The following FDXACB1 variants were observed in gnomAD, a reference collection of about 807,000 sequenced individuals.
FDXACB1 encodes ferredoxin-fold anticodon binding domain containing 1.
In FDXACB1, 41 loss-of-function variants were observed where a neutral mutation model predicts 51.7. The observed-to-expected ratio is 0.79, with a 90% CI of 0.62 to 1.03. FDXACB1 has a LOEUF of 1.03. Among genes scored for constraint, FDXACB1 ranks in the 50% least tolerant of loss-of-function variants. FDXACB1 has a pLI of 0.00. For missense variants in FDXACB1, 697 were observed against 746.4 expected (o/e 0.93, Z 0.77); for synonymous variants, 273 against 278.6 (o/e 0.98, Z 0.20).
rs1555162225 is a variant in FDXACB1 at position 111,876,822 on chromosome 11, C to G, written c.519G>C (p.Lys173Asn). 1 of 1,613,826 alleles carries G rather than the reference C, an allele frequency of 6.2e-7. No homozygotes were observed. The highest frequency in any genetic ancestry group is 8.5e-7 in the Non-Finnish European group (1 of 1,179,896). The change falls in exon 3 of 5, where the codon AAG becomes AAC. Residue 173 changes from lysine (K) to asparagine (N), a missense_variant. Coordinates refer to ENST00000260257, the MANE Select transcript of FDXACB1 (RefSeq NM_138378.3). Reference protein sequence around the residue: ...PFSCKAVAGYKCTGYRSQDKS... With the variant: ...PFSCKAVAGYNCTGYRSQDKS... ...CTATTACCTACCTATATCCAGTGCA[C>G]TTGTACCCTGCCACAGCCTTACAGC...
At chr11:111,876,760 G>C in intron 3 of FDXACB1, 48 bp downstream of exon 3, 5 of 1,599,160 alleles carry the variant, frequency 3.1e-6, no homozygotes, top group Non-Finnish European at 4.3e-6. Flanking sequence ...GTTATCATTA[G>C]TGAGAGAGAT....
At position 111,878,549 on chromosome 11, in the gene FDXACB1, T is replaced by C. The variant is rs1555162535; in HGVS notation, c.329+7A>G. ...CATTTTCCTTGTGAGGGCGCTCCTT[T>C]CCTCACCTTTGGAAAAATTTGGCAA... is the stretch of plus-strand genomic sequence containing the variant. On this transcript the variant is annotated splice_region_variant and intron_variant, in intron 2 of 4. Transcript: ENST00000260257. 4.4e-6 allele frequency: 7 copies of C among 1,580,848 alleles called. No individual in the cohort carries two copies. The highest frequency in any genetic ancestry group is 1.2e-5 in the South Asian group (1 of 86,510).
chr11:111,878,125 T>G (rs1224896433), intron 2 of FDXACB1, among the ~76,000 whole-genome samples: 1 of 151,960 alleles, frequency 6.6e-6, no homozygotes, highest in Non-Finnish European at 1.5e-5. Flanking sequence ...AGGCGGAGCT[T>G]GCAGTGAGCC....
Position 111,878,593 on chromosome 11 carries a change from C to G in FDXACB1, c.292G>C (p.Ala98Pro). 1 of 1,601,510 alleles carries G rather than the reference C, an allele frequency of 6.2e-7. No individual in the cohort carries two copies. The highest frequency in any genetic ancestry group is 8.5e-7 in the Non-Finnish European group (1 of 1,173,698). Residue 98 changes from alanine to proline, a missense_variant, in exon 2 of 5, where the codon GCT (alanine) becomes CCT (proline). This residue lies in a region of FDXACB1 where 153 missense variants were observed against 133.5 expected (regional missense o/e 1.15). Transcript: ENST00000260257. ...FPHCGRKAGV[A>P]KNRELLAKFF... The stretch of plus-strand genomic sequence containing the variant: ...TTGGCAAGCAGTTCCCTGTTCTTAG[C>G]TACGCCAGCTTTGCGTCCACAATGC...
In FDXACB1 at chr11:111,876,992, C is replaced by T. The variant is rs1249355458; in HGVS notation, c.349G>A (p.Glu117Lys). 6.3e-7 allele frequency: 1 copy of T among 1,589,808 alleles called. No individual in the cohort carries two copies. The highest frequency in any genetic ancestry group is 8.6e-7 in the Non-Finnish European group (1 of 1,167,186). The change falls in exon 3 of 5, where the codon GAG becomes AAG. Residue 117 changes from glutamate to lysine, a missense_variant. Coordinates refer to ENST00000260257, the MANE Select transcript of FDXACB1 (RefSeq NM_138378.3). The stretch of plus-strand genomic sequence containing the variant: ...AATGCCACGTGGACTTCTCCTTCCT[C>T]TGCAAGAACGTCTGCACAGCTAATA... Reference protein sequence around the residue: ...FFQSCADVLAEEGEVHVALCR... With the variant: ...FFQSCADVLAKEGEVHVALCR...
chr11:111,874,947 T>C lies in FDXACB1; in HGVS notation c.1850A>G (p.Gln617Arg). The stretch of plus-strand genomic sequence containing the variant: ...CTACCGAGGTATAACATATAGGTGT[T>C]GTTGAATCTCCTTCCTAAACTGGGA... ...MQSQFRKEIQ[Q>R]HLYVIPR Residue 617 changes from glutamine (Q) to arginine (R), a missense_variant, in exon 5 of 5, where the codon CAA (glutamine) becomes CGA (arginine). This residue lies in a region of FDXACB1 where 538 missense variants were observed against 592.2 expected (regional missense o/e 0.91). Coordinates refer to ENST00000260257, the MANE Select transcript of FDXACB1 (RefSeq NM_138378.3). 6.2e-7 allele frequency: 1 copy of C among 1,614,002 alleles called. No individual in the cohort carries two copies. Among genetic ancestry groups the C allele is most frequent in the Non-Finnish European group, 8.5e-7 (1 of 1,179,900 alleles).
chr11:111,875,377 C>A lies in FDXACB1; in HGVS notation c.1420G>T (p.Ala474Ser), dbSNP rs1555161934. The change falls in exon 5 of 5, where the codon GCC becomes TCC. Residue 474 changes from alanine (A) to serine (S), a missense_variant. Coordinates refer to ENST00000260257, the MANE Select transcript of FDXACB1 (RefSeq NM_138378.3). ...TGGTCTTTATGTATAACACTAGTGG[C>A]AGATGTGATAACAGACCCAATAATT... The part of the protein sequence containing the change: ...DLIIGSVITS[A>S]TSVIHKDQCF... 1 of 1,613,746 alleles carries A rather than the reference C, an allele frequency of 6.2e-7. No individual in the cohort carries two copies. Among genetic ancestry groups the A allele is most frequent in the Admixed American group, 1.7e-5 (1 of 59,956 alleles).
Position 111,878,969 on chromosome 11 carries a change from C to A in FDXACB1, c.164G>T (p.Arg55Leu). The change falls in exon 1 of 5, where the codon CGC becomes CTC. Residue 55 changes from arginine (R) to leucine (L), a missense_variant. Physicochemically the swap from Arg to Leu is moderately radical, Grantham distance 102. Coordinates refer to ENST00000260257, the MANE Select transcript of FDXACB1 (RefSeq NM_138378.3). ...PLAWENLQCL[R>L]ERGIDVRFGV... ...AGGGGCGGGCTCGCTACCTCGCTCG[C>A]GCAGGCACTGCAGATTCTCCCAGGC... The A allele has an allele frequency of 6.3e-7, 1 of 1,596,486 alleles. No homozygotes were observed. The highest frequency in any genetic ancestry group is 8.5e-7 in the Non-Finnish European group (1 of 1,173,502).
In FDXACB1 at chr11:111,875,513, C is replaced by A; in HGVS notation, c.1284G>T (p.Pro428=). ...CTAAACTGCTCAGCTTAGAGCTCTCCGGCAATGTCTGGGTCAGCAGGCTAT... is the reference window on the plus strand; with the variant it reads ...CTAAACTGCTCAGCTTAGAGCTCTCAGGCAATGTCTGGGTCAGCAGGCTAT... ...ILDSLLTQTL[P]ESSKLSSLVK... Residue 428 remains proline, a synonymous_variant, in exon 5 of 5, where the codon CCG becomes CCT. Transcript: ENST00000260257. The A allele has an allele frequency of 6.2e-7, 1 of 1,611,388 alleles. No individual in the cohort carries two copies. Among genetic ancestry groups the A allele is most frequent in the East Asian group, 2.2e-5 (1 of 44,836 alleles).
rs1555162281 is a variant in FDXACB1 at position 111,876,981 on chromosome 11, T to C, written c.360A>G (p.Glu120=). ...SCADVLAEEG[E]VHVALCRGQG... is the part of the protein sequence containing the mutation. ...GTCCTCTACATAATGCCACGTGGAC[T>C]TCTCCTTCCTCTGCAAGAACGTCTG... Residue 120 remains glutamate, a synonymous_variant, in exon 3 of 5, where the codon GAA becomes GAG. Coordinates refer to ENST00000260257, the MANE Select transcript of FDXACB1 (RefSeq NM_138378.3). 1 of 1,596,078 alleles carries C rather than the reference T, an allele frequency of 6.3e-7. No individual in the cohort carries two copies. The highest frequency in any genetic ancestry group is 1.8e-5 in the Admixed American group (1 of 56,734).
At chr11:111,876,727 A>G (rs1240409506) in intron 3 of FDXACB1, 81 bp downstream of exon 3, 2 of 1,589,520 alleles carry the variant, frequency 1.3e-6, no homozygotes, top group African/African-American at 1.3e-5. Flanking sequence ...GGCAGGGCCT[A>G]TTGAGTCTGT....
At chr11:111,876,125 A>G in intron 4 of FDXACB1, 21 bp from the exon 5 acceptor site, 1 of 1,548,080 alleles carries the variant, frequency 6.5e-7, no homozygotes, top group Non-Finnish European at 8.7e-7. Flanking sequence ...ACACACAAAA[A>G]TAACTTTTCT....
In FDXACB1 at chr11:111,878,625, A is replaced by T. The variant is rs611010; in HGVS notation, c.260T>A (p.Ile87Asn). 0.85 allele frequency: 1,364,329 copies of T among 1,604,598 alleles called. 581,886 individuals are homozygous for T. Among genetic ancestry groups the T allele is most frequent in the East Asian group, 0.99 (44,093 of 44,698 alleles). Residue 87 changes from isoleucine to asparagine, a missense_variant, in exon 2 of 5, where the codon ATC becomes AAC. Ile to Asn is a moderately radical substitution (Grantham distance 149). Transcript: ENST00000260257. ...HEREFDQIYF[I>N]FPHCGRKAGV... ...AGCTTTGCGTCCACAATGCGGGAAGATGAAATAAATTTGATCAAATTCTCT... is the reference window on the plus strand; with the variant it reads ...AGCTTTGCGTCCACAATGCGGGAAGTTGAAATAAATTTGATCAAATTCTCT...
chr11:111,876,198 A>G (rs1402634896), intron 4 of FDXACB1, 94 bp from the exon 5 acceptor site: 1 of 1,096,654 alleles, frequency 9.1e-7, no homozygotes, highest in Non-Finnish European at 1.3e-6. Context: ...CTGGACAGAA[A>G]AGAATTATCT....
chr11:111,875,315 T>C lies in FDXACB1; in HGVS notation c.1482A>G (p.Leu494=). The C allele has an allele frequency of 6.2e-7, 1 of 1,613,920 alleles. No homozygotes were observed. Among genetic ancestry groups the C allele is most frequent in the Non-Finnish European group, 8.5e-7 (1 of 1,179,880 alleles). The change falls in exon 5 of 5, where the codon TTA becomes TTG. Residue 494 remains leucine (L), a synonymous_variant. Transcript: ENST00000260257. The part of the protein sequence containing the change: ...FVFVSMNLDL[L]AMLVWCISDW... Reference sequence around the variant, plus strand: ...CAGAGATACACCAGACAAGCATGGCTAATAAGTCCAAGTTCATAGACACAA... The same window carrying C: ...CAGAGATACACCAGACAAGCATGGCCAATAAGTCCAAGTTCATAGACACAA...
rs782578132 is a variant in FDXACB1 at position 111,879,143 on chromosome 11, G to A, written c.-11C>T. On this transcript the variant is annotated 5_prime_UTR_variant, in exon 1 of 5. Coordinates refer to ENST00000260257, the MANE Select transcript of FDXACB1 (RefSeq NM_138378.3). The stretch of plus-strand genomic sequence containing the variant: ...GCGCCGAGGGGCCATGGCCTCCACG[G>A]ACTCCCGGCTCGCGTTCTCTGTGGC... 5.0e-6 allele frequency: 8 copies of A among 1,601,464 alleles called. No individual in the cohort carries two copies. The African/African-American group carries it at 5.4e-5, about 11-fold the overall frequency.
chr11:111,874,941 AG>A lies in FDXACB1; in HGVS notation c.1855del (p.Leu619TyrfsTer41), dbSNP rs1555161818. ...SQFRKEIQQH[L>X]YVIPR Reference sequence around the variant, plus strand: ...ACCAAACTACCGAGGTATAACATATAGGTGTTGTTGAATCTCCTTCCTAAAC... The same window carrying A: ...ACCAAACTACCGAGGTATAACATATAGTGTTGTTGAATCTCCTTCCTAAAC... On this transcript the variant is annotated frameshift_variant, in exon 5 of 5. Transcript: ENST00000260257. LOFTEE classifies it high-confidence loss of function. 6.8e-6 allele frequency: 11 copies of A among 1,613,834 alleles called. No homozygotes were observed. The Admixed American group carries it at 1.8e-4, about 27-fold the overall frequency.
Position 111,874,858 on chromosome 11 carries a change from G to T in FDXACB1, c.*64C>A. 6.9e-7 allele frequency: 1 copy of T among 1,439,166 alleles called. No homozygotes were observed. Among genetic ancestry groups the T allele is most frequent in the Non-Finnish European group, 9.5e-7 (1 of 1,054,330 alleles). 89.1% of individuals were successfully genotyped at this position (1,439,166 alleles called of 1,614,324 possible). On this transcript the variant is annotated 3_prime_UTR_variant, in exon 5 of 5. Transcript: ENST00000260257. ...ATCCAGAAAGGACTACTGGTTGCAA[G>T]TTGGTAATTTTCCTCCACATCCCCC... is the stretch of plus-strand genomic sequence containing the variant.
At position 111,876,513 on chromosome 11, in the gene FDXACB1, T is replaced by C; in HGVS notation, c.660A>G (p.Pro220=). The C allele has an allele frequency of 1.2e-6, 2 of 1,613,824 alleles. No homozygotes were observed. The highest frequency in any genetic ancestry group is 2.2e-5 in the South Asian group (2 of 91,060). ...ACTTTCCTACAAGTGCTTCTGGTTC[T>C]GGAAAGGAAAACCACTGGTTACCCA... ...IKLGNQWFSF[P]EPEALVGKLN... is the part of the protein sequence containing the mutation. The change falls in exon 4 of 5, where the codon CCA becomes CCG. Residue 220 remains proline, a synonymous_variant. Coordinates refer to ENST00000260257, the MANE Select transcript of FDXACB1 (RefSeq NM_138378.3).
Sources: allele counts gnomAD v4.1 joint callset (sites outside exome capture counted in the v4.1 genomes callset), GRCh38; gene constraint gnomAD v4.1.1; regional missense constraint gnomAD v4.1.1; transcripts MANE v1.5; gene names NCBI Gene and HGNC (gene_info 2026-07-23, HGNC 2026-07-21).